Variants in CLTC observed in about 807,000 individuals in gnomAD.
CLTC encodes clathrin heavy chain.
CLTC carries 16 observed loss-of-function variants against 195.8 expected under a neutral mutation model. The observed-to-expected ratio is 0.08, with a 90% CI of 0.06 to 0.12. CLTC has a LOEUF of 0.12. Among genes scored for constraint, CLTC ranks in the 10% least tolerant of loss-of-function variants. The probability of loss-of-function intolerance (pLI) is 1.00; values close to 1 mark genes in which losing one functional copy is unlikely to be tolerated. For missense variants in CLTC, 796 were observed against 2,027.0 expected, an observed-to-expected ratio of 0.39 and a Z score of 11.66; for synonymous variants, 667 against 689.4, an observed-to-expected ratio of 0.97 and a Z score of 0.51.
chr17:59,657,126 A>G (rs2032490091), intron 6 of CLTC, among the ~76,000 whole-genome samples: 3 of 152,160 alleles, frequency 2.0e-5, no homozygotes, highest in Admixed American at 6.5e-5. Flanking sequence ...AAGTAGATAG[A>G]TTTTGTTTCT....
Position 59,695,063 on chromosome 17 carries a change from C to G in CLTC, c.*1211C>G, listed in dbSNP as rs1270614304. 4.8e-6 allele frequency: 1 copy of G among 208,412 alleles called. No individual in the cohort carries two copies. Among genetic ancestry groups the G allele is most frequent in the African/African-American group, 2.3e-5 (1 of 43,892 alleles). The allele number at this position is 208,412 out of a possible 1,614,324, so 12.9% of individuals were successfully genotyped here. ...TATCGAAGCATTTCACTTAAATGAA[C>G]AAATCATGGCTGTTATATTAACTTG... is the stretch of plus-strand genomic sequence containing the variant. On this transcript the variant is annotated 3_prime_UTR_variant, in exon 32 of 32. Transcript: ENST00000269122.
In CLTC at chr17:59,693,939, C is replaced by A; in HGVS notation, c.*87C>A. On this transcript the variant is annotated 3_prime_UTR_variant, in exon 32 of 32. Coordinates refer to ENST00000269122, the MANE Select transcript of CLTC (RefSeq NM_004859.4). The stretch of plus-strand genomic sequence containing the variant: ...TCAGTTTATAATGGGGGAAAACAGG[C>A]AACGTGTTCTTGTAACCTTTATTTC... The A allele has an allele frequency of 4.4e-6, 6 of 1,355,274 alleles. No homozygotes were observed. In the South Asian group the frequency reaches 6.6e-5, roughly 15 times the overall value. 84.0% of individuals were successfully genotyped at this position (1,355,274 alleles called of 1,614,324 possible).
chr17:59,644,174 T>C, intron 1 of CLTC, 102 bp from the exon 2 acceptor site: 1 of 853,160 alleles, frequency 1.2e-6, no homozygotes, highest in Non-Finnish European at 1.8e-6. Flanking sequence ...TATTGTGACC[T>C]TGAAGCATTA....
intron 5 of CLTC, among the ~76,000 whole-genome samples, chr17:59,651,704 ATT>A (rs1307289084): frequency 6.6e-6 from 1 of 152,238 alleles, no homozygotes; most frequent in East Asian, 1.9e-4. Context: ...GTTAATGATT[ATT>A]TGAGCCTTTA....
At chr17:59,688,236 C>T (rs575419086) in intron 30 of CLTC, among the ~76,000 whole-genome samples, 1 of 152,280 alleles carries the variant, frequency 6.6e-6, no homozygotes, top group South Asian at 2.1e-4. Flanking sequence ...TCTTGAGAGC[C>T]TGTATAGCAA....
Position 59,673,763 on chromosome 17 carries a change from T to C in CLTC, c.2409T>C (p.Tyr803=), listed in dbSNP as rs1197039101. ...RNNLQKYIEI[Y]VQKVNPSRLP... ...ATCTTCAAAAGTATATAGAGATATA[T>C]GTACAGAAGGTAAGTAATATGTAGG... is the stretch of plus-strand genomic sequence containing the variant. The change falls in exon 15 of 32, where the codon TAT becomes TAC. Residue 803 remains tyrosine (Y), a synonymous_variant. Coordinates refer to ENST00000269122, the MANE Select transcript of CLTC (RefSeq NM_004859.4). 2.4e-6 allele frequency: 3 copies of C among 1,230,502 alleles called. No individual in the cohort carries two copies. Among genetic ancestry groups the C allele is most frequent in the South Asian group, 2.4e-5 (2 of 82,094 alleles). The allele number at this position is 1,230,502 out of a possible 1,614,324, so 76.2% of individuals were successfully genotyped here. A position where few individuals can be genotyped will look rare whatever the true frequency, so the allele number is the denominator to read the frequency against.
chr17:59,675,278 T>G (rs1025370220), intron 16 of CLTC, among the ~76,000 whole-genome samples: 1 of 152,180 alleles, frequency 6.6e-6, no homozygotes, highest in East Asian at 1.9e-4. Flanking sequence ...TGTGCAACTC[T>G]TGAGTTCAAT....
chr17:59,644,629 C>A (rs2032140648), intron 2 of CLTC, 146 bp downstream of exon 2: 1 of 639,662 alleles, frequency 1.6e-6, no homozygotes, highest in African/African-American at 1.8e-5. Flanking sequence ...TGGCTCACTG[C>A]AATCTCCACC....
intron 8 of CLTC, among the ~76,000 whole-genome samples, chr17:59,663,167 G>C (rs1192412290): frequency 6.6e-6 from 1 of 152,148 alleles, no homozygotes; most frequent in African/African-American, 2.4e-5. Context: ...CCCCAAAGTA[G>C]AAAATCTACT....
intron 17 of CLTC, among the ~76,000 whole-genome samples, chr17:59,678,321 G>T (rs1232357622): frequency 6.6e-6 from 1 of 152,114 alleles, no homozygotes; most frequent in African/African-American, 2.4e-5. Flanking sequence ...TAAGTAGTCT[G>T]TAGTAGACTA....
intron 17 of CLTC, among the ~76,000 whole-genome samples, chr17:59,678,335 A>C (rs1318225807): frequency 6.6e-6 from 1 of 152,198 alleles, no homozygotes; most frequent in Non-Finnish European, 1.5e-5. Context: ...TAGACTATGC[A>C]AATATCCTCT....
chr17:59,648,425 T>A lies in CLTC; in HGVS notation c.681+24T>A. The A allele has an allele frequency of 6.2e-7, 1 of 1,600,146 alleles. No individual in the cohort carries two copies. Among genetic ancestry groups the A allele is most frequent in the Non-Finnish European group, 8.5e-7 (1 of 1,171,058 alleles). Reference sequence around the variant, plus strand: ...AGGTAAGTTTTGGCTTTGGTAATTATTTTAATGAGAACTTGTATTTGGCTT... The same window carrying A: ...AGGTAAGTTTTGGCTTTGGTAATTAATTTAATGAGAACTTGTATTTGGCTT... On this transcript the variant is annotated intron_variant, in intron 4 of 31. Coordinates refer to ENST00000269122, the MANE Select transcript of CLTC (RefSeq NM_004859.4). The surrounding 1 kb of genome is among the most constrained non-coding windows in gnomAD (Gnocchi z 4.5).
At chr17:59,692,749 G>T (rs1473496529) in intron 31 of CLTC, among the ~76,000 whole-genome samples, 1 of 151,952 alleles carries the variant, frequency 6.6e-6, no homozygotes, top group Non-Finnish European at 1.5e-5. Context: ...TGATTCTCCT[G>T]CCTCAACCTG....
chr17:59,659,590 G>A (rs1467058311), intron 6 of CLTC, among the ~76,000 whole-genome samples: 5 of 151,320 alleles, frequency 3.3e-5, no homozygotes, highest in African/African-American at 4.9e-5. Flanking sequence ...GACTACAGGC[G>A]CGTGCCACCA....
At chr17:59,688,368 GCCTT>G (rs1210772696) in intron 30 of CLTC, among the ~76,000 whole-genome samples, 1 of 152,118 alleles carries the variant, frequency 6.6e-6, no homozygotes, top group Non-Finnish European at 1.5e-5. Flanking sequence ...TTGTGGAAAA[GCCTT>G]TTACATTTTA....
intron 5 of CLTC, among the ~76,000 whole-genome samples, chr17:59,653,192 T>TTTATTTA (rs1215484754): frequency 4.3e-5 from 6 of 139,630 alleles, no homozygotes; most frequent in Non-Finnish European, 8.1e-5. Flanking sequence ...TATTTATTTA[T>TTTATTTA]TTTATTTATT....
chr17:59,660,675 C>T (rs2032586944), intron 7 of CLTC, 87 bp downstream of exon 7: 9 of 1,311,320 alleles, frequency 6.9e-6, no homozygotes, highest in African/African-American at 5.8e-5. Context: ...GAACCAGCTT[C>T]CTACAGATAA....
intron 4 of CLTC, among the ~76,000 whole-genome samples, chr17:59,650,904 C>A (rs1245303064): frequency 6.6e-6 from 1 of 152,194 alleles, no homozygotes; most frequent in Non-Finnish European, 1.5e-5. Flanking sequence ...TAGCTCCTGG[C>A]AACCACTAAT....
intron 6 of CLTC, among the ~76,000 whole-genome samples, chr17:59,659,443 T>G (rs988779866): frequency 2.4e-4 from 34 of 138,864 alleles, no homozygotes; most frequent in Non-Finnish European, 1.5e-5. Flanking sequence ...TTATTTTTTA[T>G]TTTTAATTAA....
Sources: allele counts gnomAD v4.1 joint callset (sites outside exome capture counted in the v4.1 genomes callset), GRCh38; gene constraint gnomAD v4.1.1; non-coding constraint Gnocchi (gnomAD v3.1); transcripts MANE v1.5; gene names NCBI Gene and HGNC (gene_info 2026-07-23, HGNC 2026-07-21).